Variants in BRIP1 observed in about 807,000 individuals in gnomAD.
BRIP1 encodes the protein Fanconi anemia group J protein.
Under a neutral mutation model 119.7 loss-of-function variants are expected in BRIP1, and 88 were observed. The ratio of observed to expected loss-of-function variants is 0.74; its 90% CI spans 0.62 to 0.88. The LOEUF (loss-of-function observed/expected upper bound fraction) is 0.88. Among genes scored for constraint, BRIP1 ranks in the 40% least tolerant of loss-of-function variants. The pLI, the probability that BRIP1 is intolerant of heterozygous loss-of-function variation, is 0.00. For missense variants in BRIP1, 1,259 were observed against 1,455.4 expected, an observed-to-expected ratio of 0.87 and a Z score of 2.20; for synonymous variants, 443 against 496.5, an observed-to-expected ratio of 0.89 and a Z score of 1.43.
In BRIP1 at chr17:61,683,874, G is replaced by T. The variant is rs2061317781; in HGVS notation, c.3172C>A (p.Leu1058Met). 1 of 1,614,190 alleles carries T rather than the reference G, an allele frequency of 6.2e-7. No individual in the cohort carries two copies. The highest frequency in any genetic ancestry group is 1.1e-5 in the South Asian group (1 of 91,080). Residue 1058 changes from leucine (L) to methionine (M), a missense_variant, in exon 20 of 20, where the codon CTG becomes ATG. By Grantham distance (15) the Leu-to-Met change is conservative (BLOSUM62 2). This residue lies in a region of BRIP1 where 753 missense variants were observed against 891.8 expected (regional missense o/e 0.84). Coordinates refer to ENST00000259008, the MANE Select transcript of BRIP1 (RefSeq NM_032043.3). The surrounding 1 kb of genome is among the most constrained non-coding windows in gnomAD (Gnocchi z 4.7). ...GATCCAAACGATGTGTTTACTGTCA[G>T]ATTTGAGGATTCACATTTATCAGTG... ...PFTDKCESSN[L>M]TVNTSFGSCP...
rs368854170 is a variant in BRIP1, at chr17:61,755,124, C to A, written c.2098-10533G>T. 6.6e-6 allele frequency among the ~76,000 whole-genome samples: 1 copy of A among 152,116 alleles called. No individual in the cohort carries two copies. The highest frequency in any genetic ancestry group is 1.5e-5 in the Non-Finnish European group (1 of 68,036). ...GCCCAGTGCATAGAACAGTACCTTA[C>A]ATATAGAAAGTGGTCAGTAAATACT... On this transcript the variant is annotated intron_variant, in intron 14 of 19. Coordinates refer to ENST00000259008, the MANE Select transcript of BRIP1 (RefSeq NM_032043.3). The surrounding 1 kb of genome is among the most constrained non-coding windows in gnomAD (Gnocchi z 4.5).
intron 14 of BRIP1, among the ~76,000 whole-genome samples, chr17:61,747,854 G>A (rs1196397146): frequency 1.3e-5 from 2 of 151,594 alleles, no homozygotes; most frequent in Non-Finnish European, 2.9e-5. Flanking sequence ...TCCTACTTCA[G>A]CCTCCCAAGT....
Position 61,745,454 on chromosome 17 carries a change from G to T in BRIP1, c.2098-863C>A, listed in dbSNP as rs929773878. ...CAAGATCATAGCTCAGTGCAGCCTC[G>T]AACTACTAGGCTCAGGCAATCCCTC... On this transcript the variant is annotated intron_variant, in intron 14 of 19. Coordinates refer to ENST00000259008, the MANE Select transcript of BRIP1 (RefSeq NM_032043.3). This position sits in a 1 kb window ranked among gnomAD's most constrained non-coding sequence, Gnocchi z 4.4. 1.3e-5 allele frequency among the ~76,000 whole-genome samples: 2 copies of T among 152,056 alleles called. No individual in the cohort carries two copies. The highest frequency in any genetic ancestry group is 3.9e-4 in the East Asian group (2 of 5,188).
chr17:61,767,401 T>A lies in BRIP1; in HGVS notation c.2097+9000A>T. Among the ~76,000 whole-genome samples, 1 of 151,974 alleles carries A rather than the reference T, an allele frequency of 6.6e-6. No individual in the cohort carries two copies. The highest frequency in any genetic ancestry group is 1.9e-4 in the East Asian group (1 of 5,180). Reference sequence around the variant, plus strand: ...AAGCGATCCTCCCATCTCAGCCTCCTAAGTAGCTGGGACTCACAACACCAC... The same window carrying A: ...AAGCGATCCTCCCATCTCAGCCTCCAAAGTAGCTGGGACTCACAACACCAC... On this transcript the variant is annotated intron_variant, in intron 14 of 19. Transcript: ENST00000259008. The surrounding 1 kb of genome is among the most constrained non-coding windows in gnomAD (Gnocchi z 5.7).
At chr17:61,763,009 T>C (rs1438199129) in intron 14 of BRIP1, among the ~76,000 whole-genome samples, 1 of 152,140 alleles carries the variant, frequency 6.6e-6, no homozygotes, top group Non-Finnish European at 1.5e-5. Flanking sequence ...AAGATAAATG[T>C]CTCATGCCCT....
chr17:61,826,555 A>C (rs1345520630), intron 6 of BRIP1, among the ~76,000 whole-genome samples: 1 of 152,062 alleles, frequency 6.6e-6, no homozygotes, highest in African/African-American at 2.4e-5. Context: ...AAGGAAAAAC[A>C]ACCTCATTAA....
chr17:61,693,558 AAATC>A lies in BRIP1; in HGVS notation c.2493-50_2493-47del. 2 of 1,512,300 alleles carry A rather than the reference AAATC, an allele frequency of 1.3e-6. No individual in the cohort carries two copies. Among genetic ancestry groups the A allele is most frequent in the Non-Finnish European group, 1.8e-6 (2 of 1,088,616 alleles). 93.7% of individuals were successfully genotyped at this position (1,512,300 alleles called of 1,614,324 possible). Reference sequence around the variant, plus strand: ...GTCAAATAATTATAACATCGGAAATAAATCCAGTTTTCCAGTGGGACAGACAGAA... The same window carrying A: ...GTCAAATAATTATAACATCGGAAATACAGTTTTCCAGTGGGACAGACAGAA... On this transcript the variant is annotated intron_variant, in intron 17 of 19. Transcript: ENST00000259008. The surrounding 1 kb of genome is among the most constrained non-coding windows in gnomAD (Gnocchi z 4.2).
In BRIP1 at chr17:61,802,639, T is replaced by C. The variant is rs2078013287; in HGVS notation, c.919-1165A>G. On this transcript the variant is annotated intron_variant, in intron 7 of 19. Transcript: ENST00000259008. This position sits in a 1 kb window ranked among gnomAD's most constrained non-coding sequence, Gnocchi z 6.0. ...TCACTAAGCATCTTTTCGTTGCTGC[T>C]CATATATGTACATTGAATTAATGTG... Among the ~76,000 whole-genome samples the C allele has an allele frequency of 6.6e-6, 1 of 152,208 alleles. No homozygotes were observed. Among genetic ancestry groups the C allele is most frequent in the Admixed American group, 6.5e-5 (1 of 15,284 alleles).
Position 61,762,362 on chromosome 17 carries a change from C to T in BRIP1, c.2097+14039G>A, listed in dbSNP as rs1285471156. Among the ~76,000 whole-genome samples, 2 of 151,908 alleles carry T rather than the reference C, an allele frequency of 1.3e-5. No homozygotes were observed. Among genetic ancestry groups the T allele is most frequent in the Non-Finnish European group, 2.9e-5 (2 of 67,990 alleles). On this transcript the variant is annotated intron_variant, in intron 14 of 19. Coordinates refer to ENST00000259008, the MANE Select transcript of BRIP1 (RefSeq NM_032043.3). This position sits in a 1 kb window ranked among gnomAD's most constrained non-coding sequence, Gnocchi z 4.3. ...AGGCAATGATTTTTTGGATTTGATC[C>T]CAAAAGCACAGGCAACAAAAGCAAA...
At chr17:61,812,353 T>G (rs991378) in intron 6 of BRIP1, among the ~76,000 whole-genome samples, 120,514 of 151,974 alleles carry the variant, frequency 0.79, 48,420 homozygotes, top group African/African-American at 0.89. Flanking sequence ...AGATTTCCTT[T>G]TCTCCAGGAA....
Position 61,815,599 on chromosome 17 carries a change from T to C in BRIP1, c.628-6842A>G, listed in dbSNP as rs960997559. ...AAGGCTAAAATACTCAGTTCACTAA[T>C]GTATATTTCTAACTTCATTTTACAG... On this transcript the variant is annotated intron_variant, in intron 6 of 19. Coordinates refer to ENST00000259008, the MANE Select transcript of BRIP1 (RefSeq NM_032043.3). The surrounding 1 kb of genome is among the most constrained non-coding windows in gnomAD (Gnocchi z 4.1). 2.6e-5 allele frequency among the ~76,000 whole-genome samples: 4 copies of C among 152,190 alleles called. No individual in the cohort carries two copies. The highest frequency in any genetic ancestry group is 2.1e-4 in the South Asian group (1 of 4,834).
rs1316677822 is a variant in BRIP1, at chr17:61,825,298, A to G, written c.628-16541T>C. 1.3e-5 allele frequency among the ~76,000 whole-genome samples: 2 copies of G among 151,530 alleles called. No individual in the cohort carries two copies. The highest frequency in any genetic ancestry group is 4.9e-5 in the African/African-American group (2 of 41,188). On this transcript the variant is annotated intron_variant, in intron 6 of 19. Transcript: ENST00000259008. The surrounding 1 kb of genome is among the most constrained non-coding windows in gnomAD (Gnocchi z 4.1). Reference sequence around the variant, plus strand: ...AGACTCTGTCTCAAAACGAAAAAAAAAAGAAAAGAAAAGAAAAGAAAAGGA... The same window carrying G: ...AGACTCTGTCTCAAAACGAAAAAAAGAAGAAAAGAAAAGAAAAGAAAAGGA...
At chr17:61,785,389 G>C (rs1271648927) in intron 10 of BRIP1, among the ~76,000 whole-genome samples, 2 of 152,072 alleles carry the variant, frequency 1.3e-5, no homozygotes, top group Non-Finnish European at 2.9e-5. Context: ...CATTGTAAAA[G>C]AGAAAATTCT....
intron 11 of BRIP1, among the ~76,000 whole-genome samples, chr17:61,781,590 T>C (rs1159641011): frequency 6.6e-6 from 1 of 152,144 alleles, no homozygotes; most frequent in Admixed American, 6.5e-5. Context: ...AGTGTATAAC[T>C]GCTTTCAATA....
At chr17:61,786,905 A>C (rs1465285266) in intron 10 of BRIP1, among the ~76,000 whole-genome samples, 1 of 70,070 alleles carries the variant, frequency 1.4e-5, no homozygotes, top group African/African-American at 6.7e-5. Context: ...TTTATATATA[A>C]TGTAAATATA....
chr17:61,688,739 C>A (rs2061399063), intron 18 of BRIP1, among the ~76,000 whole-genome samples: 1 of 149,026 alleles, frequency 6.7e-6, no homozygotes, highest in African/African-American at 2.5e-5. Context: ...AAATAAGTCT[C>A]CAGAAACCAA....
In BRIP1 at chr17:61,842,336, A is replaced by C. The variant is rs1473159125; in HGVS notation, c.627+4765T>G. On this transcript the variant is annotated intron_variant, in intron 6 of 19. Transcript: ENST00000259008. The surrounding 1 kb of genome is among the most constrained non-coding windows in gnomAD (Gnocchi z 5.1). The stretch of plus-strand genomic sequence containing the variant: ...GGTTTACAAATTCATAACTACAGCT[A>C]GATTGGAGAAACAGGAGGAATAAGT... 1.3e-5 allele frequency among the ~76,000 whole-genome samples: 2 copies of C among 152,140 alleles called. No individual in the cohort carries two copies. Among genetic ancestry groups the C allele is most frequent in the Non-Finnish European group, 2.9e-5 (2 of 68,018 alleles).
rs1000181671 is a variant in BRIP1 at position 61,757,642 on chromosome 17, G to C, written c.2098-13051C>G. On this transcript the variant is annotated intron_variant, in intron 14 of 19. Transcript: ENST00000259008. This position sits in a 1 kb window ranked among gnomAD's most constrained non-coding sequence, Gnocchi z 4.3. ...TACAATGCAAAAAACTTCAAAAAAT[G>C]ACATTTGTAAAACAACTAACATATT... is the stretch of plus-strand genomic sequence containing the variant. Among the ~76,000 whole-genome samples the C allele has an allele frequency of 3.9e-5, 6 of 152,084 alleles. No individual in the cohort carries two copies. Among genetic ancestry groups the C allele is most frequent in the African/African-American group, 1.4e-4 (6 of 41,402 alleles).
rs1015714690 is a variant in BRIP1, at chr17:61,856,508, T to C, written c.379+550A>G. Among the ~76,000 whole-genome samples, 5 of 152,196 alleles carry C rather than the reference T, an allele frequency of 3.3e-5. No homozygotes were observed. The highest frequency in any genetic ancestry group is 2.6e-4 in the Admixed American group (4 of 15,280). On this transcript the variant is annotated intron_variant, in intron 4 of 19. Coordinates refer to ENST00000259008, the MANE Select transcript of BRIP1 (RefSeq NM_032043.3). The surrounding 1 kb of genome is among the most constrained non-coding windows in gnomAD (Gnocchi z 5.1). The stretch of plus-strand genomic sequence containing the variant: ...TTCCCTAGGTTTCTTAGGTAAATAA[T>C]AGTCTATCCTTTCTATACAGCCAAA...
Sources: allele counts gnomAD v4.1 joint callset (sites outside exome capture counted in the v4.1 genomes callset), GRCh38; gene constraint gnomAD v4.1.1; regional missense constraint gnomAD v4.1.1; non-coding constraint Gnocchi (gnomAD v3.1); transcripts MANE v1.5; gene names NCBI Gene and HGNC (gene_info 2026-07-23, HGNC 2026-07-21).